DLGAP2: variants seen among roughly 807,000 people sequenced by gnomAD.
DLGAP2 encodes DLG associated protein 2, also known as disks large-associated protein 2.
A neutral mutation model predicts 100.3 loss-of-function variants in DLGAP2; 26 were observed. The ratio of observed to expected loss-of-function variants is 0.26; its 90% CI spans 0.19 to 0.36. The LOEUF (loss-of-function observed/expected upper bound fraction) is 0.36. Among genes scored for constraint, DLGAP2 ranks in the 10% least tolerant of loss-of-function variants. DLGAP2 has a pLI of 1.00. For synonymous variants in DLGAP2, 886 were observed against 630.1 expected (o/e 1.41, Z -6.08); for missense variants, 1,858 against 1,453.2 (o/e 1.28, Z -4.53).
intron 2 of DLGAP2, among the ~76,000 whole-genome samples, chr8:1,012,770 A>G (rs1241683136): frequency 1.1e-4 from 10 of 90,080 alleles, no homozygotes; most frequent in Admixed American, 6.3e-4. Flanking sequence ...CCCTCCGACC[A>G]GCCCCCCACT....
In DLGAP2 at chr8:1,374,272, A is replaced by G. The variant is rs1470465481; in HGVS notation, c.106+115389A>G. On this transcript the variant is annotated intron_variant, in intron 3 of 14. Transcript: ENST00000637795. ...GTGTAATGGAGGTTACGTTAGGTTTACAGAAGGCTGTGTGGTGGAGGTGGG... is the reference window on the plus strand; with the variant it reads ...GTGTAATGGAGGTTACGTTAGGTTTGCAGAAGGCTGTGTGGTGGAGGTGGG... Among the ~76,000 whole-genome samples, 4 of 151,760 alleles carry G rather than the reference A, an allele frequency of 2.6e-5. No individual in the cohort carries two copies. In the South Asian group the frequency reaches 6.3e-4, roughly 24 times the overall value.
intron 3 of DLGAP2, among the ~76,000 whole-genome samples, chr8:1,289,404 C>A (rs1800010211): frequency 6.6e-6 from 1 of 152,188 alleles, no homozygotes; most frequent in Non-Finnish European, 1.5e-5. Flanking sequence ...ACTGTTAGTT[C>A]AGAGTGGTTG....
At chr8:753,765 A>G (rs1029798554) in intron 1 of DLGAP2, 2 of 152,248 alleles carry the variant, frequency 1.3e-5, no homozygotes, top group African/African-American at 2.4e-5. Context: ...CTCTAAGATG[A>G]TCCAAGATAA....
Position 1,701,590 on chromosome 8 carries a change from G to T in DLGAP2, c.*184G>T, listed in dbSNP as rs1450691803. The T allele has an allele frequency of 3.6e-5, 23 of 641,620 alleles. No homozygotes were observed. Among genetic ancestry groups the T allele is most frequent in the Non-Finnish European group, 5.8e-5 (22 of 381,824 alleles). 39.7% of individuals were successfully genotyped at this position (641,620 alleles called of 1,614,324 possible). ...CAGAGTCCACGGAGCTCGCGGCGAGGACGACTTCTGCTTTTGTTGTTGTTG... is the reference window on the plus strand; with the variant it reads ...CAGAGTCCACGGAGCTCGCGGCGAGTACGACTTCTGCTTTTGTTGTTGTTG... On this transcript the variant is annotated 3_prime_UTR_variant, in exon 15 of 15. Transcript: ENST00000637795.
chr8:1,694,956 C>A (rs969402086), intron 13 of DLGAP2, among the ~76,000 whole-genome samples: 2 of 152,194 alleles, frequency 1.3e-5, no homozygotes, highest in African/African-American at 4.8e-5. Context: ...CAAAACCAAA[C>A]CCTGACCATG....
At chr8:884,912 T>C (rs1487062194) in intron 1 of DLGAP2, among the ~76,000 whole-genome samples, 1 of 152,232 alleles carries the variant, frequency 6.6e-6, no homozygotes, top group East Asian at 1.9e-4. Flanking sequence ...TACTTGTTTT[T>C]GTCAGGTTTG....
intron 2 of DLGAP2, among the ~76,000 whole-genome samples, chr8:1,130,860 C>T (rs1796278182): frequency 7.2e-6 from 1 of 139,788 alleles, no homozygotes; most frequent in African/African-American, 2.5e-5. Context: ...GGAAGGGTGG[C>T]CTCTCTTCAT....
chr8:955,882 G>A (rs1273127005), intron 2 of DLGAP2, among the ~76,000 whole-genome samples: 1 of 152,112 alleles, frequency 6.6e-6, no homozygotes, highest in African/African-American at 2.4e-5. Context: ...AAGGGGTGGC[G>A]GCCTTGAGTG....
At position 1,101,284 on chromosome 8, in the gene DLGAP2, G is replaced by A. The variant is rs550663273; in HGVS notation, c.74-157567G>A. On this transcript the variant is annotated intron_variant, in intron 2 of 14. Coordinates refer to ENST00000637795, the MANE Select transcript of DLGAP2 (RefSeq NM_001346810.2). Reference sequence around the variant, plus strand: ...CTCACTCACCAACACAGGGTGGGGGGCCAAGGCCGAGGAGCAGGGGGGCCA... The same window carrying A: ...CTCACTCACCAACACAGGGTGGGGGACCAAGGCCGAGGAGCAGGGGGGCCA... Among the ~76,000 whole-genome samples the A allele has an allele frequency of 2.0e-4, 31 of 152,340 alleles. 1 individual carries two copies. Among genetic ancestry groups the A allele is most frequent in the Admixed American group, 1.8e-3 (28 of 15,302 alleles).
At chr8:1,189,707 G>T (rs1243079089) in intron 2 of DLGAP2, among the ~76,000 whole-genome samples, 2 of 149,982 alleles carry the variant, frequency 1.3e-5, no homozygotes, top group African/African-American at 2.4e-5. Flanking sequence ...TTTACAGTTT[G>T]TAATATGAAG....
chr8:982,436 C>T lies in DLGAP2; in HGVS notation c.73+74470C>T, dbSNP rs150082586. Among the ~76,000 whole-genome samples the T allele has an allele frequency of 1.7e-4, 26 of 152,230 alleles. No homozygotes were observed. The East Asian group carries it at 1.9e-3, about 11-fold the overall frequency. On this transcript the variant is annotated intron_variant, in intron 2 of 14. Transcript: ENST00000637795. ...TAAGTGGAGCTGTTTAGCAATCAGT[C>T]GATGGTTTGAGTGACTTCTCTGTGC...
chr8:1,442,918 C>G (rs971006438), intron 3 of DLGAP2, among the ~76,000 whole-genome samples: 1 of 152,244 alleles, frequency 6.6e-6, no homozygotes, highest in African/African-American at 2.4e-5. Flanking sequence ...CATAAATTTG[C>G]TTACATCTTT....
At chr8:972,826 C>A (rs62486450) in intron 2 of DLGAP2, among the ~76,000 whole-genome samples, 2 of 152,208 alleles carry the variant, frequency 1.3e-5, no homozygotes, top group African/African-American at 2.4e-5. Context: ...TGACTCTTAA[C>A]GAGCATGCTG....
At chr8:1,011,195 G>A (rs557450785) in intron 2 of DLGAP2, among the ~76,000 whole-genome samples, 1 of 150,460 alleles carries the variant, frequency 6.6e-6, no homozygotes, top group Non-Finnish European at 1.5e-5. Flanking sequence ...CTGGAATGAG[G>A]GGTCTCAGTC....
intron 3 of DLGAP2, among the ~76,000 whole-genome samples, chr8:1,416,553 G>A (rs532660694): frequency 6.6e-6 from 1 of 152,308 alleles, no homozygotes; most frequent in Admixed American, 6.5e-5. Context: ...GCCTGAACCA[G>A]AACCCCTCTG....
intron 1 of DLGAP2, among the ~76,000 whole-genome samples, chr8:799,375 A>T (rs955216515): frequency 1.3e-5 from 2 of 152,076 alleles, no homozygotes; most frequent in African/African-American, 4.8e-5. Flanking sequence ...AATTAGGAGC[A>T]GCAGGATCCT....
intron 7 of DLGAP2, among the ~76,000 whole-genome samples, chr8:1,630,905 A>C (rs947722054): frequency 1.2e-4 from 16 of 136,252 alleles, no homozygotes; most frequent in African/African-American, 5.5e-4. Context: ...GGGTGTCCCG[A>C]GGGTCTGGGC....
At chr8:1,324,330 T>C (rs1158960508) in intron 3 of DLGAP2, among the ~76,000 whole-genome samples, 1 of 152,210 alleles carries the variant, frequency 6.6e-6, no homozygotes, top group Non-Finnish European at 1.5e-5. Flanking sequence ...CTATCCTATC[T>C]CTTCTGTACT....
intron 4 of DLGAP2, among the ~76,000 whole-genome samples, chr8:1,535,007 G>A (rs1043554026): frequency 2.6e-5 from 4 of 152,328 alleles, no homozygotes; most frequent in South Asian, 2.1e-4. Context: ...CACTGTTTTC[G>A]TGTCCCAAGC....
Sources: allele counts gnomAD v4.1 joint callset (sites outside exome capture counted in the v4.1 genomes callset), GRCh38; gene constraint gnomAD v4.1.1; transcripts MANE v1.5; gene names NCBI Gene and HGNC (gene_info 2026-07-23, HGNC 2026-07-21).